SLC38A6: variants seen among roughly 807,000 people sequenced by gnomAD.
The protein encoded by SLC38A6 is solute carrier family 38 member 6.
SLC38A6 carries 73 observed loss-of-function variants against 65.0 expected under a neutral mutation model. The observed-to-expected ratio is 1.12, with a 90% confidence interval of 0.93 to 1.37. SLC38A6 has a LOEUF of 1.37. SLC38A6 is among the 40% of genes most tolerant of loss of function. SLC38A6 has a pLI of 0.00. For synonymous variants in SLC38A6, 183 were observed against 178.8 expected (o/e 1.02, Z -0.19); for missense variants, 561 against 531.1 (o/e 1.06, Z -0.55).
chr14:61,009,460 A>G (rs2039390069), intron 3 of SLC38A6, among the ~76,000 whole-genome samples: 1 of 152,140 alleles, frequency 6.6e-6, no homozygotes, highest in South Asian at 2.1e-4. Flanking sequence ...ATATGGATAC[A>G]TGTGCCATGT....
At chr14:61,063,519 A>G (rs76653676) in intron 15 of SLC38A6, among the ~76,000 whole-genome samples, 1,562 of 152,322 alleles carry the variant, frequency 0.01, 24 homozygotes, top group African/African-American at 0.03. Context: ...CTCCCATGAA[A>G]TTCTACTAAA....
intron 8 of SLC38A6, among the ~76,000 whole-genome samples, chr14:61,038,863 T>C (rs1401508930): frequency 6.6e-6 from 1 of 152,204 alleles, no homozygotes; most frequent in African/African-American, 2.4e-5. Flanking sequence ...GTCTGACTTA[T>C]ATCTTACAGA....
chr14:60,981,547 T>C lies in SLC38A6; in HGVS notation c.105+165T>C, dbSNP rs1177644781. The C allele has an allele frequency of 2.6e-6, 4 of 1,530,232 alleles. 1 individual carries two copies. In the South Asian group the frequency reaches 3.6e-5, roughly 14 times the overall value. The allele number at this position is 1,530,232 out of a possible 1,614,324, so 94.8% of individuals were successfully genotyped here. On this transcript the variant is annotated intron_variant, in intron 1 of 15. Coordinates refer to ENST00000267488, the MANE Select transcript of SLC38A6 (RefSeq NM_153811.3). ...GGCAGCCGCCGAGATTCAGATGAGA[T>C]TGGCGCAGTTATGAACGTGATAGCA...
chr14:61,045,346 A>C lies in SLC38A6; in HGVS notation c.745A>C (p.Ser249Arg). The change falls in exon 11 of 16, where the codon AGT becomes CGT. Residue 249 changes from serine to arginine, a missense_variant and splice_region_variant. Transcript: ENST00000267488. ...TTTGTCTCTTTAAAATTTTTTTCAG[A>C]GTGCTTATGCCTTACCAACCATGGC... ...KPKLFHFSKE[S>R]AYALPTMAFS... is the part of the protein sequence containing the mutation. The C allele has an allele frequency of 6.2e-7, 1 of 1,609,000 alleles. No homozygotes were observed. The highest frequency in any genetic ancestry group is 8.5e-7 in the Non-Finnish European group (1 of 1,177,966).
intron 3 of SLC38A6, among the ~76,000 whole-genome samples, chr14:61,003,516 A>C (rs752084855): frequency 1.1e-4 from 17 of 152,192 alleles, no homozygotes; most frequent in Non-Finnish European, 2.2e-4. Context: ...CAAATGTTTT[A>C]AATATTTTAA....
chr14:61,076,105 T>C (rs2043407668), intron 15 of SLC38A6, among the ~76,000 whole-genome samples: 1 of 152,140 alleles, frequency 6.6e-6, no homozygotes, highest in Non-Finnish European at 1.5e-5. Context: ...TCTGCCCGTC[T>C]TGGCCTCCCA....
intron 8 of SLC38A6, among the ~76,000 whole-genome samples, chr14:61,040,540 C>T (rs548544306): frequency 2.0e-5 from 3 of 152,014 alleles, no homozygotes; most frequent in African/African-American, 4.8e-5. Flanking sequence ...AGGGTTTGAC[C>T]GTGTTAGCCA....
At chr14:61,076,108 G>A (rs1036496354) in intron 15 of SLC38A6, among the ~76,000 whole-genome samples, 2 of 152,072 alleles carry the variant, frequency 1.3e-5, no homozygotes, top group African/African-American at 4.8e-5. Flanking sequence ...GCCCGTCTTG[G>A]CCTCCCAAAG....
intron 15 of SLC38A6, among the ~76,000 whole-genome samples, chr14:61,069,531 C>T (rs1002622277): frequency 6.6e-6 from 1 of 152,064 alleles, no homozygotes; most frequent in African/African-American, 2.4e-5. Flanking sequence ...ATTGTTACTC[C>T]TCTCCCTACT....
intron 3 of SLC38A6, among the ~76,000 whole-genome samples, chr14:60,994,629 C>T (rs369618010): frequency 7.4e-5 from 11 of 148,718 alleles, no homozygotes; most frequent in South Asian, 2.1e-4. Context: ...GCTTGAACCC[C>T]GGAGGCGGAG....
intron 1 of SLC38A6, 140 bp from the exon 2 acceptor site, chr14:60,982,368 G>T: frequency 2.9e-6 from 3 of 1,040,308 alleles, no homozygotes; most frequent in Non-Finnish European, 2.9e-6. Context: ...GGAAATTAGT[G>T]TTGGTTAAGC....
chr14:61,019,484 C>T (rs1347384013), intron 4 of SLC38A6, 57 bp from the exon 5 acceptor site: 3 of 1,550,822 alleles, frequency 1.9e-6, no homozygotes, highest in Non-Finnish European at 2.7e-6. Context: ...TAATAAAATA[C>T]TGATCCTTTT....
chr14:60,995,766 CA>C (rs1165559414), intron 3 of SLC38A6, among the ~76,000 whole-genome samples: 1 of 151,890 alleles, frequency 6.6e-6, no homozygotes, highest in Non-Finnish European at 1.5e-5. Context: ...TATAATAAAA[CA>C]AAAAAATCTG....
At chr14:61,038,444 AC>A (rs2041550306) in intron 8 of SLC38A6, among the ~76,000 whole-genome samples, 1 of 152,102 alleles carries the variant, frequency 6.6e-6, no homozygotes, top group Non-Finnish European at 1.5e-5. Flanking sequence ...TAAATGTCAA[AC>A]CTTAAGTAGA....
At position 61,010,000 on chromosome 14, in the gene SLC38A6, A is replaced by G. The variant is rs2039433986; in HGVS notation, c.311-5904A>G. On this transcript the variant is annotated intron_variant, in intron 3 of 15. Coordinates refer to ENST00000267488, the MANE Select transcript of SLC38A6 (RefSeq NM_153811.3). ...TGAACTAGTTTACAGTCCCACCAAC[A>G]GTGTAAAAGTGTTCCTATTTTTCCA... 2.0e-5 allele frequency among the ~76,000 whole-genome samples: 3 copies of G among 152,224 alleles called. No individual in the cohort carries two copies. In the South Asian group the frequency reaches 6.2e-4, roughly 31 times the overall value.
intron 15 of SLC38A6, among the ~76,000 whole-genome samples, chr14:61,077,540 T>C (rs937485932): frequency 6.6e-6 from 1 of 152,218 alleles, no homozygotes; most frequent in Non-Finnish European, 1.5e-5. Context: ...TTATATGATA[T>C]ATCAAAAGTC....
chr14:60,990,451 C>T (rs1194003845), intron 3 of SLC38A6, among the ~76,000 whole-genome samples: 1 of 152,124 alleles, frequency 6.6e-6, no homozygotes, highest in Non-Finnish European at 1.5e-5. Context: ...TGTCTAACAG[C>T]TCAGATTTGT....
chr14:61,009,736 A>G lies in SLC38A6; in HGVS notation c.311-6168A>G, dbSNP rs191636711. Among the ~76,000 whole-genome samples, 920 of 152,334 alleles carry G rather than the reference A, an allele frequency of 6.0e-3. 6 individuals carry two copies. Among genetic ancestry groups the G allele is most frequent in the Non-Finnish European group, 8.3e-3 (566 of 68,038 alleles). On this transcript the variant is annotated intron_variant, in intron 3 of 15. Coordinates refer to ENST00000267488, the MANE Select transcript of SLC38A6 (RefSeq NM_153811.3). The stretch of plus-strand genomic sequence containing the variant: ...TCATCATTTTTTATGGCTGCATAGT[A>G]TTCCATGGTGTATATGTGCCACATT...
chr14:61,025,300 A>G (rs1233764305), intron 5 of SLC38A6, among the ~76,000 whole-genome samples: 1 of 152,152 alleles, frequency 6.6e-6, no homozygotes, highest in Non-Finnish European at 1.5e-5. Flanking sequence ...CTTCCTGTAT[A>G]TTCATTCATG....
Sources: gnomAD v4.1 joint callset for allele counts (sites outside exome capture counted in the v4.1 genomes callset) on GRCh38, gnomAD v4.1.1 for gene constraint, MANE v1.5 for transcripts, NCBI Gene and HGNC (gene_info 2026-07-23, HGNC 2026-07-21) for gene names.